The following CYP7B1 variants were observed in gnomAD, a reference collection of about 807,000 sequenced individuals.
CYP7B1 encodes the protein cytochrome P450 7B1.
A neutral mutation model predicts 42.7 loss-of-function variants in CYP7B1; 29 were observed. The observed-to-expected ratio is 0.68, with a 90% CI of 0.51 to 0.93. The LOEUF is 0.93. Among genes scored for constraint, CYP7B1 ranks in the 40% least tolerant of loss-of-function variants. CYP7B1 has a pLI of 0.00. For missense variants in CYP7B1, 655 were observed against 600.5 expected (o/e 1.09, Z -0.95); for synonymous variants, 235 against 218.2 (o/e 1.08, Z -0.68).
At chr8:64,686,134 C>G (rs1349784929) in intron 1 of CYP7B1, among the ~76,000 whole-genome samples, 5 of 101,394 alleles carry the variant, frequency 4.9e-5, no homozygotes, top group African/African-American at 1.6e-4. Flanking sequence ...GCCAGCCGCC[C>G]CGTCTGGGAG....
chr8:64,686,347 C>T (rs1378361532), intron 1 of CYP7B1, among the ~76,000 whole-genome samples: 1 of 39,256 alleles, frequency 2.5e-5, no homozygotes, highest in Non-Finnish European at 5.7e-5. Flanking sequence ...CCCGGCCGCC[C>T]CTACTGGGAA....
intron 1 of CYP7B1, among the ~76,000 whole-genome samples, chr8:64,760,605 G>A (rs1298847937): frequency 6.6e-6 from 1 of 151,962 alleles, no homozygotes; most frequent in Non-Finnish European, 1.5e-5. Context: ...AAAGGTGGTT[G>A]ACATCACCAA....
intron 1 of CYP7B1, among the ~76,000 whole-genome samples, chr8:64,673,657 ATTGT>A (rs1806399461): frequency 6.6e-6 from 1 of 152,106 alleles, no homozygotes; most frequent in African/African-American, 2.4e-5. Context: ...GATTCTATTA[ATTGT>A]TTGTTCTTTC....
chr8:64,699,133 T>C (rs539866262), intron 1 of CYP7B1, among the ~76,000 whole-genome samples: 2 of 152,150 alleles, frequency 1.3e-5, no homozygotes, highest in Non-Finnish European at 2.9e-5. Flanking sequence ...TATACACTGC[T>C]TATTCTAAAT....
chr8:64,643,071 A>T (rs944038903), intron 1 of CYP7B1, among the ~76,000 whole-genome samples: 9 of 145,820 alleles, frequency 6.2e-5, no homozygotes, highest in African/African-American at 2.3e-4. Flanking sequence ...AATCAATAGG[A>T]TGTGTGTGTG....
chr8:64,719,920 C>G (rs931190106), intron 1 of CYP7B1, among the ~76,000 whole-genome samples: 1 of 152,230 alleles, frequency 6.6e-6, no homozygotes, highest in Non-Finnish European at 1.5e-5. Flanking sequence ...GACTTTAACT[C>G]TGGGTCCCTT....
chr8:64,618,669 G>A (rs542973629), intron 2 of CYP7B1, among the ~76,000 whole-genome samples: 17 of 151,408 alleles, frequency 1.1e-4, no homozygotes, highest in Admixed American at 5.3e-4. Context: ...GGGAATAAGG[G>A]TATGGGAAAA....
Position 64,615,033 on chromosome 8 carries a change from G to A in CYP7B1, c.1050C>T (p.Ile350=). The A allele has an allele frequency of 6.2e-7, 1 of 1,613,574 alleles. No individual in the cohort carries two copies. Among genetic ancestry groups the A allele is most frequent in the South Asian group, 1.1e-5 (1 of 91,072 alleles). ...HLTREQLDSL[I]CLESSIFEAL... ...CAGATAAAAATAAATTACCTAGGCA[G>A]ATTAGGCTGTCCAATTGTTCTCTGG... Residue 350 remains isoleucine (I), a synonymous_variant, in exon 4 of 6, where the codon ATC becomes ATT. Coordinates refer to ENST00000310193, the MANE Select transcript of CYP7B1 (RefSeq NM_004820.5).
At chr8:64,689,505 A>G (rs1236432627) in intron 1 of CYP7B1, among the ~76,000 whole-genome samples, 4 of 152,100 alleles carry the variant, frequency 2.6e-5, no homozygotes, top group African/African-American at 9.7e-5. Flanking sequence ...TGAAATATCC[A>G]TTGTTTTTAT....
chr8:64,699,627 A>AT lies in CYP7B1; in HGVS notation c.123-75089dup, dbSNP rs1806882476. Among the ~76,000 whole-genome samples, 14 of 152,230 alleles carry AT rather than the reference A, an allele frequency of 9.2e-5. No homozygotes were observed. In the South Asian group the frequency reaches 2.9e-3, roughly 32 times the overall value. On this transcript the variant is annotated intron_variant, in intron 1 of 5. Transcript: ENST00000310193. ...ACATCAAATTTCTACAACTGGATTAATTTTTTATTCTTCTACAATCAGTTT... is the reference window on the plus strand; with the variant it reads ...ACATCAAATTTCTACAACTGGATTAATTTTTTTATTCTTCTACAATCAGTTT...
chr8:64,664,692 G>A (rs946639217), intron 1 of CYP7B1, among the ~76,000 whole-genome samples: 12 of 152,178 alleles, frequency 7.9e-5, no homozygotes, highest in Admixed American at 2.6e-4. Context: ...CTCTTGATGA[G>A]TGCAAAGACC....
At chr8:64,647,016 G>A (rs1013183863) in intron 1 of CYP7B1, among the ~76,000 whole-genome samples, 23 of 152,034 alleles carry the variant, frequency 1.5e-4, no homozygotes, top group African/African-American at 3.9e-4. Context: ...ATCATTTCTC[G>A]CTTTTAATTT....
At chr8:64,773,847 C>A (rs917011832) in intron 1 of CYP7B1, among the ~76,000 whole-genome samples, 7 of 152,138 alleles carry the variant, frequency 4.6e-5, no homozygotes, top group African/African-American at 1.4e-4. Context: ...ATAACAAATC[C>A]ACTCTCACAA....
Position 64,604,665 on chromosome 8 carries a change from G to T in CYP7B1, c.1233+17C>A. The T allele has an allele frequency of 6.2e-7, 1 of 1,613,614 alleles. No homozygotes were observed. The highest frequency in any genetic ancestry group is 8.5e-7 in the Non-Finnish European group (1 of 1,179,826). Reference sequence around the variant, plus strand: ...AGGATCTAAGAAGTAGCAATCATAGGCTTGATGTTTACTTACCTCTGGAGC... The same window carrying T: ...AGGATCTAAGAAGTAGCAATCATAGTCTTGATGTTTACTTACCTCTGGAGC... On this transcript the variant is annotated intron_variant, in intron 5 of 5. Coordinates refer to ENST00000310193, the MANE Select transcript of CYP7B1 (RefSeq NM_004820.5).
At chr8:64,743,785 T>C (rs893873530) in intron 1 of CYP7B1, among the ~76,000 whole-genome samples, 10 of 152,202 alleles carry the variant, frequency 6.6e-5, no homozygotes, top group Non-Finnish European at 1.5e-5. Flanking sequence ...TATATTAATT[T>C]TGGGGGGACA....
At chr8:64,606,904 C>G (rs186063030) in intron 4 of CYP7B1, among the ~76,000 whole-genome samples, 1 of 152,112 alleles carries the variant, frequency 6.6e-6, no homozygotes, top group African/African-American at 2.4e-5. Flanking sequence ...AGCCCCAGTA[C>G]GAATGCAGGC....
intron 1 of CYP7B1, among the ~76,000 whole-genome samples, chr8:64,646,903 C>T (rs1053297778): frequency 1.3e-5 from 2 of 152,132 alleles, no homozygotes; most frequent in Non-Finnish European, 2.9e-5. Context: ...TTTGTAATTC[C>T]CTTCAAGAAC....
rs1805028246 is a variant in CYP7B1 at position 64,591,175 on chromosome 8, C to A, written c.*5467G>T. Among the ~76,000 whole-genome samples, 1 of 151,742 alleles carries A rather than the reference C, an allele frequency of 6.6e-6. No homozygotes were observed. Among genetic ancestry groups the A allele is most frequent in the African/African-American group, 2.4e-5 (1 of 41,332 alleles). On this transcript the variant is annotated 3_prime_UTR_variant, in exon 6 of 6. Transcript: ENST00000310193. ...AGTATAAACAAAATAAACATTTAAG[C>A]CAAAAAGTTCAAACATCAATGATCA...
intron 1 of CYP7B1, among the ~76,000 whole-genome samples, chr8:64,680,338 C>A (rs1666216056): frequency 6.6e-6 from 1 of 152,024 alleles, no homozygotes; most frequent in South Asian, 2.1e-4. Context: ...TAATATATTA[C>A]TAATATGTTC....
Sources: allele counts gnomAD v4.1 joint callset (sites outside exome capture counted in the v4.1 genomes callset), GRCh38; gene constraint gnomAD v4.1.1; transcripts MANE v1.5; gene names NCBI Gene and HGNC (gene_info 2026-07-23, HGNC 2026-07-21).